The following RPH3AL variants were observed in gnomAD, a reference collection of about 807,000 sequenced individuals.
The protein encoded by RPH3AL is rabphilin 3A like (without C2 domains), also known as rab effector Noc2.
RPH3AL carries 38 observed loss-of-function variants against 43.1 expected under a neutral mutation model. The observed-to-expected ratio is 0.88, with a 90% CI of 0.68 to 1.15. RPH3AL has a LOEUF of 1.15. Among genes scored for constraint, RPH3AL ranks in the 50% most tolerant of loss-of-function variants. The pLI, the probability that RPH3AL is intolerant of heterozygous loss-of-function variation, is 0.00. For missense variants in RPH3AL, 462 were observed against 423.2 expected (o/e 1.09, Z -0.81); for synonymous variants, 189 against 176.3 (o/e 1.07, Z -0.57).
At position 333,417 on chromosome 17, in the gene RPH3AL, A is replaced by G; in HGVS notation, c.-37+342T>C. ...ACTTTTCCTGGGCATTTATGTACAA[A>G]TTGTAATAAAATTGGGTTCTTACTG... On this transcript the variant is annotated intron_variant, in intron 2 of 9. Transcript: ENST00000331302. The surrounding 1 kb of genome is among the most constrained non-coding windows in gnomAD (Gnocchi z 4.5). 1.4e-6 allele frequency: 1 copy of G among 730,286 alleles called. No individual in the cohort carries two copies. Among genetic ancestry groups the G allele is most frequent in the Non-Finnish European group, 2.0e-6 (1 of 512,658 alleles). 45.2% of individuals were successfully genotyped at this position (730,286 alleles called of 1,614,324 possible).
intron 5 of RPH3AL, among the ~76,000 whole-genome samples, chr17:298,670 G>GC (rs772162096): frequency 3.1e-3 from 473 of 150,522 alleles, no homozygotes; most frequent in Non-Finnish European, 5.2e-3. Context: ...AGGCCACTGC[G>GC]CTCCAGCCTG....
At chr17:350,237 A>T (rs1158079201) in intron 1 of RPH3AL, among the ~76,000 whole-genome samples, 1 of 152,214 alleles carries the variant, frequency 6.6e-6, no homozygotes, top group Non-Finnish European at 1.5e-5. Context: ...CTGTAATCCT[A>T]GCACTTTGGG....
chr17:312,900 C>T (rs1398640710), intron 5 of RPH3AL, among the ~76,000 whole-genome samples: 4 of 152,158 alleles, frequency 2.6e-5, no homozygotes, highest in African/African-American at 4.8e-5. Context: ...GGAAGCTAGC[C>T]GTGCCAGGTG....
chr17:293,063 CCT>C (rs1411493160), intron 5 of RPH3AL, among the ~76,000 whole-genome samples: 1 of 152,184 alleles, frequency 6.6e-6, no homozygotes, highest in African/African-American at 2.4e-5. Flanking sequence ...GGCCGAGCCG[CCT>C]CTCTTTACCA....
chr17:315,638 A>G lies in RPH3AL; in HGVS notation c.351+3782T>C, dbSNP rs76472648. Among the ~76,000 whole-genome samples, 37 of 30,848 alleles carry G rather than the reference A, an allele frequency of 1.2e-3. 5 individuals are homozygous for G. Among genetic ancestry groups the G allele is most frequent in the East Asian group, 4.2e-3 (2 of 472 alleles). 20.2% of individuals were successfully genotyped at this position (30,848 alleles called of 152,430 possible). A position where few individuals can be genotyped will look rare whatever the true frequency, so the allele number is the denominator to read the frequency against. The stretch of plus-strand genomic sequence containing the variant: ...TAGTCCCTGTACTCCACCTCCACTG[A>G]CCTGTAGTCCCTGTGCTCCACCTCC... On this transcript the variant is annotated intron_variant, in intron 5 of 9. Coordinates refer to ENST00000331302, the MANE Select transcript of RPH3AL (RefSeq NM_006987.4).
At chr17:311,055 C>A (rs567250189) in intron 5 of RPH3AL, among the ~76,000 whole-genome samples, 2 of 151,998 alleles carry the variant, frequency 1.3e-5, no homozygotes, top group African/African-American at 4.8e-5. Context: ...AAATGCAGCT[C>A]GTCCCCTGAA....
chr17:327,595 G>C lies in RPH3AL; in HGVS notation c.-36-16C>G. The C allele has an allele frequency of 6.5e-7, 1 of 1,545,146 alleles. No individual in the cohort carries two copies. Among genetic ancestry groups the C allele is most frequent in the Non-Finnish European group, 8.9e-7 (1 of 1,120,524 alleles). On this transcript the variant is annotated splice_polypyrimidine_tract_variant and intron_variant, in intron 2 of 9. Transcript: ENST00000331302. ...GGAGTCACATCTGAGATGAAGGAGG[G>C]AAGACGAAAGAGTGTGCATCATTGG...
chr17:285,050 C>T (rs1422606884), intron 5 of RPH3AL, among the ~76,000 whole-genome samples: 3 of 152,182 alleles, frequency 2.0e-5, no homozygotes, highest in Non-Finnish European at 2.9e-5. Context: ...ACGGCTTCAA[C>T]GTAGGTATTT....
intron 1 of RPH3AL, among the ~76,000 whole-genome samples, chr17:347,350 C>T (rs1028381295): frequency 1.3e-5 from 2 of 152,172 alleles, no homozygotes; most frequent in African/African-American, 4.8e-5. Context: ...AAATTTTCAA[C>T]AGGGAACCCT....
At chr17:304,829 G>T (rs1448545838) in intron 5 of RPH3AL, among the ~76,000 whole-genome samples, 1 of 150,424 alleles carries the variant, frequency 6.6e-6, no homozygotes, top group Non-Finnish European at 1.5e-5. Context: ...ATTTTTAAAT[G>T]ATTTAAAACC....
At position 345,251 on chromosome 17, in the gene RPH3AL, GGCT is replaced by G. The variant is rs556381083; in HGVS notation, c.-213+7458_-213+7460del. Among the ~76,000 whole-genome samples, 560 of 135,472 alleles carry G rather than the reference GGCT, an allele frequency of 4.1e-3. 122 individuals carry two copies. The highest frequency in any genetic ancestry group is 0.01 in the South Asian group (43 of 4,130). 88.9% of individuals were successfully genotyped at this position (135,472 alleles called of 152,430 possible). ...GCCATGATCGTGCCACTGCACTCCAGGCTGGGCTACAGAGTGAGACCCTGTCTC... is the reference window on the plus strand; with the variant it reads ...GCCATGATCGTGCCACTGCACTCCAGGGGCTACAGAGTGAGACCCTGTCTC... On this transcript the variant is annotated intron_variant, in intron 1 of 9. Coordinates refer to ENST00000331302, the MANE Select transcript of RPH3AL (RefSeq NM_006987.4).
chr17:284,329 T>A (rs2042853817), intron 5 of RPH3AL, among the ~76,000 whole-genome samples: 1 of 152,134 alleles, frequency 6.6e-6, no homozygotes, highest in African/African-American at 2.4e-5. Context: ...TAAAGCAGAA[T>A]TTTTGTTCAG....
intron 3 of RPH3AL, among the ~76,000 whole-genome samples, chr17:324,361 C>T (rs759456114): frequency 2.6e-5 from 4 of 152,202 alleles, no homozygotes; most frequent in East Asian, 1.9e-4. Context: ...TGCCCGCCTG[C>T]GGCCATAGCT....
At chr17:314,624 A>C (rs2043822855) in intron 5 of RPH3AL, among the ~76,000 whole-genome samples, 1 of 116,148 alleles carries the variant, frequency 8.6e-6, no homozygotes, top group African/African-American at 3.1e-5. Context: ...CCTGTGCCCC[A>C]CCTCCATTGA....
At chr17:349,751 C>G (rs1212994787) in intron 1 of RPH3AL, among the ~76,000 whole-genome samples, 2 of 152,132 alleles carry the variant, frequency 1.3e-5, no homozygotes, top group Non-Finnish European at 2.9e-5. Context: ...AAGACATAAC[C>G]TTCCAAAAAT....
chr17:216,347 C>G (rs1029317094), intron 8 of RPH3AL, among the ~76,000 whole-genome samples: 1 of 152,138 alleles, frequency 6.6e-6, no homozygotes, highest in Non-Finnish European at 1.5e-5. Context: ...AGATCACCAA[C>G]ATGAAAGTCC....
chr17:226,547 C>T (rs992651460), intron 7 of RPH3AL, among the ~76,000 whole-genome samples: 1 of 152,174 alleles, frequency 6.6e-6, no homozygotes, highest in Non-Finnish European at 1.5e-5. Context: ...CAGCAGTGCC[C>T]GCACCAGCCT....
chr17:224,771 G>A (rs961827764), intron 7 of RPH3AL, among the ~76,000 whole-genome samples: 7 of 152,204 alleles, frequency 4.6e-5, no homozygotes, highest in South Asian at 4.2e-4. Context: ...ACACCATGGA[G>A]TACTATGCAG....
intron 6 of RPH3AL, among the ~76,000 whole-genome samples, chr17:268,171 T>C (rs552755020): frequency 6.6e-6 from 1 of 152,260 alleles, no homozygotes; most frequent in East Asian, 1.9e-4. Context: ...TGGATTTTCC[T>C]CTCCCTCCAT....
Sources: allele counts gnomAD v4.1 joint callset (sites outside exome capture counted in the v4.1 genomes callset), GRCh38; gene constraint gnomAD v4.1.1; non-coding constraint Gnocchi (gnomAD v3.1); transcripts MANE v1.5; gene names NCBI Gene and HGNC (gene_info 2026-07-23, HGNC 2026-07-21).